The following SLC24A3 variants were observed in gnomAD, a reference collection of about 807,000 sequenced individuals.
The protein encoded by SLC24A3 is solute carrier family 24 member 3, also known as sodium/potassium/calcium exchanger 3.
SLC24A3 carries 28 observed loss-of-function variants against 75.8 expected under a neutral mutation model. The observed-to-expected ratio is 0.37, with a 90% CI of 0.27 to 0.51. The LOEUF (loss-of-function observed/expected upper bound fraction) is 0.51. SLC24A3 is among the 20% of genes least tolerant of loss of function. The probability of loss-of-function intolerance (pLI) is 0.94; values close to 1 mark genes in which losing one functional copy is unlikely to be tolerated. For synonymous variants in SLC24A3, 372 were observed against 334.1 expected, an observed-to-expected ratio of 1.11 and a Z score of -1.24; for missense variants, 663 against 847.8, an observed-to-expected ratio of 0.78 and a Z score of 2.71.
At chr20:19,684,950 T>C in intron 11 of SLC24A3, 150 bp from the exon 12 acceptor site, 1 of 895,536 alleles carries the variant, frequency 1.1e-6, no homozygotes, top group South Asian at 2.0e-5. Flanking sequence ...GAGTTGGTTA[T>C]CACATTGAGA....
intron 6 of SLC24A3, among the ~76,000 whole-genome samples, chr20:19,629,082 G>GA (rs1265667378): frequency 6.6e-6 from 1 of 151,886 alleles, no homozygotes; most frequent in Non-Finnish European, 1.5e-5. Context: ...TGAATTACCT[G>GA]AAAAAGAATT....
At chr20:19,558,078 A>T (rs1007656423) in intron 3 of SLC24A3, among the ~76,000 whole-genome samples, 1 of 152,140 alleles carries the variant, frequency 6.6e-6, no homozygotes, top group Non-Finnish European at 1.5e-5. Flanking sequence ...GGAAATGAGG[A>T]TGGAGCTTCC....
At chr20:19,668,718 A>G (rs1359453667) in intron 8 of SLC24A3, among the ~76,000 whole-genome samples, 4 of 152,326 alleles carry the variant, frequency 2.6e-5, no homozygotes, top group Admixed American at 6.5e-5. Flanking sequence ...ATGGTGGTTG[A>G]CAGTTAGTCA....
chr20:19,636,688 T>C (rs2032006754), intron 6 of SLC24A3, among the ~76,000 whole-genome samples: 1 of 152,122 alleles, frequency 6.6e-6, no homozygotes, highest in Non-Finnish European at 1.5e-5. Context: ...TTTGGGCAAA[T>C]AGACCTATAC....
intron 2 of SLC24A3, among the ~76,000 whole-genome samples, chr20:19,510,915 G>T (rs929981684): frequency 1.3e-5 from 2 of 152,212 alleles, no homozygotes; most frequent in Admixed American, 6.5e-5. Flanking sequence ...TATATCACCT[G>T]TGACTCTTTC....
At chr20:19,540,469 G>C (rs567703914) in intron 3 of SLC24A3, among the ~76,000 whole-genome samples, 2 of 152,300 alleles carry the variant, frequency 1.3e-5, no homozygotes, top group Admixed American at 6.5e-5. Flanking sequence ...TAATTCTTCA[G>C]TCTGCCTTGG....
chr20:19,256,911 T>C (rs1982833538), intron 1 of SLC24A3, among the ~76,000 whole-genome samples: 1 of 152,154 alleles, frequency 6.6e-6, no homozygotes, highest in Admixed American at 6.6e-5. Flanking sequence ...TTATTGAAAT[T>C]AATGTCACCT....
chr20:19,590,878 C>T (rs867481140), intron 6 of SLC24A3, among the ~76,000 whole-genome samples: 12 of 152,202 alleles, frequency 7.9e-5, no homozygotes, highest in Admixed American at 3.3e-4. Flanking sequence ...GCTCTCATCA[C>T]GTTCTAGACC....
At chr20:19,582,400 C>T (rs141437381) in intron 4 of SLC24A3, among the ~76,000 whole-genome samples, 13 of 152,356 alleles carry the variant, frequency 8.5e-5, no homozygotes, top group African/African-American at 3.1e-4. Flanking sequence ...GAGAAATCCA[C>T]ACTGTGCAAC....
intron 2 of SLC24A3, among the ~76,000 whole-genome samples, chr20:19,458,296 T>A (rs1600237658): frequency 6.6e-6 from 1 of 152,096 alleles, no homozygotes; most frequent in South Asian, 2.1e-4. Context: ...CCCTTAAGGG[T>A]AGGTATATAA....
At chr20:19,429,495 G>C (rs1172033169) in intron 2 of SLC24A3, among the ~76,000 whole-genome samples, 1 of 152,180 alleles carries the variant, frequency 6.6e-6, no homozygotes, top group African/African-American at 2.4e-5. Flanking sequence ...CTAATACTTT[G>C]TATCTACCCC....
At chr20:19,511,594 T>C (rs1988539223) in intron 2 of SLC24A3, among the ~76,000 whole-genome samples, 1 of 152,186 alleles carries the variant, frequency 6.6e-6, no homozygotes, top group African/African-American at 2.4e-5. Flanking sequence ...CCCAAAGTGC[T>C]GGGATTACAG....
chr20:19,219,861 C>G (rs1981659435), intron 1 of SLC24A3, among the ~76,000 whole-genome samples: 1 of 152,204 alleles, frequency 6.6e-6, no homozygotes, highest in African/African-American at 2.4e-5. Flanking sequence ...CACAGCTGTT[C>G]TGGTTCACTT....
chr20:19,586,146 C>T (rs2031292177), intron 6 of SLC24A3, among the ~76,000 whole-genome samples: 1 of 152,058 alleles, frequency 6.6e-6, no homozygotes, highest in Non-Finnish European at 1.5e-5. Flanking sequence ...TGAATACTGG[C>T]GTCTGTTTTG....
At chr20:19,270,018 G>A (rs1030162789) in intron 1 of SLC24A3, among the ~76,000 whole-genome samples, 2 of 151,986 alleles carry the variant, frequency 1.3e-5, no homozygotes, top group Non-Finnish European at 2.9e-5. Context: ...CTCTTCCAAC[G>A]GCACCCATTT....
intron 2 of SLC24A3, among the ~76,000 whole-genome samples, chr20:19,347,568 GA>G (rs1985455271): frequency 1.3e-5 from 2 of 151,992 alleles, no homozygotes; most frequent in African/African-American, 2.4e-5. Flanking sequence ...CAAATGACAA[GA>G]AAAAAATTAT....
chr20:19,709,109 A>T (rs1391503254), intron 15 of SLC24A3, among the ~76,000 whole-genome samples: 1 of 152,176 alleles, frequency 6.6e-6, no homozygotes, highest in Non-Finnish European at 1.5e-5. Context: ...GCTGACTCCC[A>T]TAGTGGGAGC....
intron 1 of SLC24A3, among the ~76,000 whole-genome samples, chr20:19,251,802 A>G (rs1446749784): frequency 6.6e-6 from 1 of 152,196 alleles, no homozygotes; most frequent in South Asian, 2.1e-4. Context: ...CCTGGAGTTG[A>G]GGAGCAGTCA....
intron 7 of SLC24A3, among the ~76,000 whole-genome samples, chr20:19,657,750 C>T (rs2032281600): frequency 6.6e-6 from 1 of 151,826 alleles, no homozygotes; most frequent in Non-Finnish European, 1.5e-5. Flanking sequence ...CATATCTATT[C>T]CATGCCCCCA....
Sources: gnomAD v4.1 joint callset for allele counts (sites outside exome capture counted in the v4.1 genomes callset) on GRCh38, gnomAD v4.1.1 for gene constraint, MANE v1.5 for transcripts, NCBI Gene and HGNC (gene_info 2026-07-23, HGNC 2026-07-21) for gene names.